PABPC4: variants seen among roughly 807,000 people sequenced by gnomAD.
PABPC4 encodes the protein polyadenylate-binding protein 4.
PABPC4 carries 15 observed loss-of-function variants against 74.5 expected under a neutral mutation model. The observed-to-expected ratio is 0.20, with a 90% confidence interval of 0.13 to 0.31. The LOEUF is 0.31. Ranked by LOEUF, PABPC4 falls within the 10% of genes least tolerant of loss-of-function variation. PABPC4 has a pLI of 1.00. For missense variants in PABPC4, 610 were observed against 853.5 expected (o/e 0.71, Z 3.55); for synonymous variants, 345 against 303.0 (o/e 1.14, Z -1.44).
At chr1:39,562,033 A>G (rs757825667) in intron 14 of PABPC4, 40 bp downstream of exon 14, 1 of 1,598,878 alleles carries the variant, frequency 6.3e-7, no homozygotes, top group African/African-American at 1.3e-5. Context: ...AGTCTTCCCA[A>G]GCTGAGAACT....
intron 15 of PABPC4, 31 bp downstream of exon 15, chr1:39,561,654 T>C (rs536599974): frequency 5.0e-5 from 74 of 1,479,280 alleles, no homozygotes; most frequent in Non-Finnish European, 6.6e-5. Context: ...ACAATGCTCA[T>C]AGGAACAAAA....
chr1:39,568,739 A>T, intron 6 of PABPC4, 63 bp downstream of exon 6: 1 of 1,486,172 alleles, frequency 6.7e-7, no homozygotes, highest in Non-Finnish European at 9.3e-7. Flanking sequence ...CGCTAAACAT[A>T]GGGGTGTTCT....
chr1:39,569,464 A>G (rs1223484744), intron 5 of PABPC4, 131 bp downstream of exon 5: 85 of 687,020 alleles, frequency 1.2e-4, no homozygotes. Flanking sequence ...AGATGATCCC[A>G]GAGTATAGTA....
chr1:39,567,833 T>A lies in PABPC4; in HGVS notation c.890A>T (p.Tyr297Phe). 2 of 1,579,182 alleles carry A rather than the reference T, an allele frequency of 1.3e-6. No homozygotes were observed. Among genetic ancestry groups the A allele is most frequent in the Non-Finnish European group, 1.7e-6 (2 of 1,148,434 alleles). The change falls in exon 7 of 16, where the codon TAC becomes TTC. Residue 297 changes from tyrosine to phenylalanine, a missense_variant. Around this residue, in one of 4 missense-constraint regions of PABPC4, gnomAD observed 304 missense variants for 478.9 expected, o/e 0.63. Transcript: ENST00000372858. ...AATAGTGTCATCCAAGTTCTTAATG[T>A]AGAGATTCACCCCCTGAAGGAAAAA... Reference protein sequence around the residue: ...RISRYQGVNLYIKNLDDTIDD... With the variant: ...RISRYQGVNLFIKNLDDTIDD...
intron 5 of PABPC4, among the ~76,000 whole-genome samples, chr1:39,569,334 C>T (rs1192995504): frequency 1.3e-5 from 2 of 152,218 alleles, no homozygotes; most frequent in African/African-American, 4.8e-5. Flanking sequence ...CTTTAGTTCT[C>T]TCACCTTTGC....
In PABPC4 at chr1:39,576,021, G is replaced by GCTC; in HGVS notation, c.-71_-70insGAG. 5 of 1,093,190 alleles carry GCTC rather than the reference G, an allele frequency of 4.6e-6. No homozygotes were observed. The highest frequency in any genetic ancestry group is 4.9e-6 in the Non-Finnish European group (4 of 812,030). 67.7% of individuals were successfully genotyped at this position (1,093,190 alleles called of 1,614,324 possible). The stretch of plus-strand genomic sequence containing the variant: ...ATCGGGCCCGCCGCAGGACAAAGGG[G>GCTC]CGCCTTCGGAGCCCGGGCCCGCGCC... On this transcript the variant is annotated 5_prime_UTR_variant, in exon 1 of 16. Coordinates refer to ENST00000372858, the MANE Select transcript of PABPC4 (RefSeq NM_001135653.2).
intron 8 of PABPC4, 102 bp downstream of exon 8, chr1:39,565,004 G>T: frequency 1.6e-6 from 2 of 1,276,352 alleles, no homozygotes; most frequent in Non-Finnish European, 2.2e-6. Flanking sequence ...TCCTTATTGT[G>T]ACATTCTAGA....
chr1:39,572,949 C>A lies in PABPC4; in HGVS notation c.194-363G>T, dbSNP rs543478629. 3.8e-5 allele frequency: 7 copies of A among 186,070 alleles called. 1 individual carries two copies. The East Asian group carries it at 9.5e-4, about 25-fold the overall frequency. The allele number at this position is 186,070 out of a possible 1,614,324, so 11.5% of individuals were successfully genotyped here. A position where few individuals can be genotyped will look rare whatever the true frequency, so the allele number is the denominator to read the frequency against. On this transcript the variant is annotated intron_variant, in intron 1 of 15. Transcript: ENST00000372858. ...AGAAGAGACTTTGCAGACTACCACC[C>A]ACCATGACTCAGGTGGGACAGCTGA...
intron 1 of PABPC4, among the ~76,000 whole-genome samples, chr1:39,574,134 T>A (rs767389738): frequency 9.2e-5 from 14 of 152,198 alleles, no homozygotes; most frequent in Non-Finnish European, 1.9e-4. Context: ...TCACTCATTA[T>A]TTCCAACAAC....
chr1:39,566,892 CCTA>C (rs1421822990), intron 7 of PABPC4, among the ~76,000 whole-genome samples: 3 of 152,162 alleles, frequency 2.0e-5, no homozygotes, highest in Non-Finnish European at 2.9e-5. Flanking sequence ...TGGCCAACTC[CCTA>C]CTACAACTGA....
Position 39,576,166 on chromosome 1 carries a change from C to G in PABPC4, c.-215G>C. On this transcript the variant is annotated 5_prime_UTR_variant, in exon 1 of 16. Transcript: ENST00000372858. ...GCCGCAGCACCGCAGACAAAAGGCT[C>G]TCCGCACAATACGGCCCTCCCCGCG... 1 of 489,918 alleles carries G rather than the reference C, an allele frequency of 2.0e-6. No individual in the cohort carries two copies. Among genetic ancestry groups the G allele is most frequent in the Non-Finnish European group, 3.6e-6 (1 of 277,318 alleles). 30.3% of individuals were successfully genotyped at this position (489,918 alleles called of 1,614,324 possible).
At position 39,575,919 on chromosome 1, in the gene PABPC4, G is replaced by A; in HGVS notation, c.33C>T (p.Ala11=). 6.2e-7 allele frequency: 1 copy of A among 1,607,168 alleles called. No homozygotes were observed. Among genetic ancestry groups the A allele is most frequent in the South Asian group, 1.1e-5 (1 of 90,700 alleles). ...AATGCAGGTCGCCCACGTACAGGGAGGCCATGGGGTAGCTGCTGGCCGCAG... is the reference window on the plus strand; with the variant it reads ...AATGCAGGTCGCCCACGTACAGGGAAGCCATGGGGTAGCTGCTGGCCGCAG... The part of the protein sequence containing the change: MNAAASSYPM[A]SLYVGDLHSD... The change falls in exon 1 of 16, where the codon GCC becomes GCT. Residue 11 remains alanine (A), a synonymous_variant. Transcript: ENST00000372858.
chr1:39,575,762 C>T lies in PABPC4; in HGVS notation c.190G>A (p.Asp64Asn). ...YAYVNFQQPA[D>N]AERALDTMNF... Reference sequence around the variant, plus strand: ...TGTGGGCACAGCTTCTACTCACCGTCGGCCGGCTGCTGGAAGTTGACGTAG... The same window carrying T: ...TGTGGGCACAGCTTCTACTCACCGTTGGCCGGCTGCTGGAAGTTGACGTAG... The change falls in exon 1 of 16, where the codon GAC (aspartate) becomes AAC (asparagine). Residue 64 changes from aspartate to asparagine, a missense_variant. By Grantham distance (23) the Asp-to-Asn change is conservative. This residue lies in a region of PABPC4 where 304 missense variants were observed against 478.9 expected (regional missense o/e 0.63). Coordinates refer to ENST00000372858, the MANE Select transcript of PABPC4 (RefSeq NM_001135653.2). The T allele has an allele frequency of 6.3e-7, 1 of 1,590,576 alleles. No individual in the cohort carries two copies. The highest frequency in any genetic ancestry group is 8.6e-7 in the Non-Finnish European group (1 of 1,166,998).
intron 14 of PABPC4, 91 bp from the exon 15 acceptor site, chr1:39,561,878 G>A (rs1304635653): frequency 1.1e-5 from 14 of 1,248,586 alleles, no homozygotes; most frequent in Admixed American, 2.0e-5. Context: ...AAAGCCAACT[G>A]TACAGATGAT....
intron 10 of PABPC4, 120 bp from the exon 11 acceptor site, chr1:39,564,042 A>T (rs1645799911): frequency 1.2e-6 from 1 of 809,070 alleles, no homozygotes; most frequent in Non-Finnish European, 2.0e-6. Context: ...GGCCACTACT[A>T]CTTTCGAGGA....
chr1:39,566,331 G>C (rs1645840691), intron 7 of PABPC4, among the ~76,000 whole-genome samples: 1 of 152,098 alleles, frequency 6.6e-6, no homozygotes, highest in South Asian at 2.1e-4. Flanking sequence ...AAAATGTTCA[G>C]GTAACCAATG....
In PABPC4 at chr1:39,564,410, C is replaced by A. The variant is rs747354534; in HGVS notation, c.1453+13G>T. The A allele has an allele frequency of 6.2e-7, 1 of 1,612,662 alleles. No homozygotes were observed. The highest frequency in any genetic ancestry group is 1.3e-5 in the African/African-American group (1 of 75,016). On this transcript the variant is annotated intron_variant, in intron 10 of 15. Coordinates refer to ENST00000372858, the MANE Select transcript of PABPC4 (RefSeq NM_001135653.2). The stretch of plus-strand genomic sequence containing the variant: ...CCTCCCCAGGCCACACTTCTAAAGG[C>A]CAGTTTGCTCACCGACTCTCTGAGT...
intron 1 of PABPC4, among the ~76,000 whole-genome samples, chr1:39,574,400 C>T (rs1035170073): frequency 2.6e-5 from 4 of 152,244 alleles, no homozygotes; most frequent in African/African-American, 9.6e-5. Context: ...ACAAATCTGG[C>T]TGCACTTATT....
Position 39,576,707 on chromosome 1 carries a change from ATTTTT to A in PABPC4, c.-761_-757del, listed in dbSNP as rs957282655. On this transcript the variant is annotated 5_prime_UTR_variant, in exon 1 of 16. Transcript: ENST00000372858. ...TTTCAGGATTTTGAAGCGTTTTCAG[ATTTTT>A]TTTATCTTTTTCTCTTTTTTTCCTC... The A allele has an allele frequency of 6.8e-6, 1 of 147,386 alleles. No homozygotes were observed. Among genetic ancestry groups the A allele is most frequent in the African/African-American group, 2.5e-5 (1 of 40,372 alleles). The allele number at this position is 147,386 out of a possible 1,614,324, so 9.1% of individuals were successfully genotyped here. A position where few individuals can be genotyped will look rare whatever the true frequency, so the allele number is the denominator to read the frequency against.
Sources: gnomAD v4.1 joint callset for allele counts (sites outside exome capture counted in the v4.1 genomes callset) on GRCh38, gnomAD v4.1.1 for gene constraint, gnomAD v4.1.1 regional missense constraint, MANE v1.5 for transcripts, NCBI Gene and HGNC (gene_info 2026-07-23, HGNC 2026-07-21) for gene names.